DTNBP1: variants seen among roughly 807,000 people sequenced by gnomAD.
DTNBP1 encodes dysbindin.
DTNBP1 carries 35 observed loss-of-function variants against 42.8 expected under a neutral mutation model. That is an observed-to-expected ratio of 0.82 (90% CI 0.63 to 1.09). The LOEUF (loss-of-function observed/expected upper bound fraction) is 1.09. DTNBP1 is among the 50% of genes least tolerant of loss of function. DTNBP1 has a pLI of 0.00. For missense variants in DTNBP1, 457 were observed against 424.2 expected (o/e 1.08, Z -0.68); for synonymous variants, 171 against 162.2 (o/e 1.05, Z -0.41).
At chr6:15,657,521 C>A (rs1157214656) in intron 1 of DTNBP1, among the ~76,000 whole-genome samples, 1 of 152,184 alleles carries the variant, frequency 6.6e-6, no homozygotes, top group Non-Finnish European at 1.5e-5. Flanking sequence ...TCTCCCTCTA[C>A]CCCATCCCCT....
intron 7 of DTNBP1, among the ~76,000 whole-genome samples, chr6:15,581,473 C>A (rs891673790): frequency 7.4e-6 from 1 of 135,562 alleles, no homozygotes; most frequent in Non-Finnish European, 1.5e-5. Flanking sequence ...CCACCGCGCC[C>A]GACTGTTTTT....
intron 7 of DTNBP1, among the ~76,000 whole-genome samples, chr6:15,567,263 T>C (rs2113507340): frequency 6.6e-6 from 1 of 151,748 alleles, no homozygotes; most frequent in East Asian, 1.9e-4. Flanking sequence ...AAAACAAGCC[T>C]GGGCAACACA....
At chr6:15,594,141 A>C (rs956193946) in intron 6 of DTNBP1, among the ~76,000 whole-genome samples, 2 of 152,182 alleles carry the variant, frequency 1.3e-5, no homozygotes, top group African/African-American at 4.8e-5. Context: ...TTCATAAACT[A>C]TGCAAGAATT....
At chr6:15,535,175 C>G (rs936855081) in intron 7 of DTNBP1, among the ~76,000 whole-genome samples, 29 of 152,266 alleles carry the variant, frequency 1.9e-4, no homozygotes, top group African/African-American at 6.7e-4. Context: ...GTGTAAGTGT[C>G]TGACAGTTCC....
At chr6:15,633,016 G>A (rs940965518) in intron 4 of DTNBP1, among the ~76,000 whole-genome samples, 4 of 152,068 alleles carry the variant, frequency 2.6e-5, no homozygotes, top group Admixed American at 1.3e-4. Context: ...GTAGATTCTC[G>A]AATTGCATTT....
intron 6 of DTNBP1, among the ~76,000 whole-genome samples, chr6:15,603,848 G>A (rs1444367514): frequency 6.6e-6 from 1 of 152,162 alleles, no homozygotes; most frequent in East Asian, 1.9e-4. Context: ...TGAGTGCCAG[G>A]CACTGTTAGC....
Position 15,533,323 on chromosome 6 carries a change from C to G in DTNBP1, c.584G>C (p.Arg195Pro). The G allele has an allele frequency of 6.2e-7, 1 of 1,614,196 alleles. No homozygotes were observed. The highest frequency in any genetic ancestry group is 8.5e-7 in the Non-Finnish European group (1 of 1,180,046). The stretch of plus-strand genomic sequence containing the variant: ...GAAGGCTTCCTCAAAAAACTTCTGC[C>G]GCTCCTTCAGCTTCATTTGCTGGGT... ...EHTQQMKLKE[R>P]QKFFEEAFQQ... The change falls in exon 8 of 10, where the codon CGG becomes CCG. Residue 195 changes from arginine to proline, a missense_variant. Physicochemically the swap from Arg to Pro is moderately radical, Grantham distance 103. Transcript: ENST00000344537.
At chr6:15,585,790 AGCTCAGT>A in intron 7 of DTNBP1, 1 of 1,526,804 alleles carries the variant, frequency 6.5e-7, no homozygotes, top group South Asian at 1.2e-5. Flanking sequence ...AGTGAACAGA[AGCTCAGT>A]GCTGGTCAAG....
At chr6:15,556,545 T>G (rs115035362) in intron 7 of DTNBP1, among the ~76,000 whole-genome samples, 7 of 152,174 alleles carry the variant, frequency 4.6e-5, no homozygotes, top group Non-Finnish European at 8.8e-5. Context: ...GAATTGGGCA[T>G]GTACAGAAGC....
intron 6 of DTNBP1, among the ~76,000 whole-genome samples, chr6:15,611,249 A>G (rs1003125738): frequency 6.6e-6 from 1 of 152,212 alleles, no homozygotes; most frequent in African/African-American, 2.4e-5. Flanking sequence ...AAATGTAACA[A>G]CAAAGCCTGG....
intron 6 of DTNBP1, among the ~76,000 whole-genome samples, chr6:15,602,890 A>G (rs1561985284): frequency 6.6e-6 from 1 of 152,244 alleles, no homozygotes; most frequent in Non-Finnish European, 1.5e-5. Context: ...GAGATAACGA[A>G]AAGAATTTTG....
chr6:15,541,516 G>C (rs1200061259), intron 7 of DTNBP1, among the ~76,000 whole-genome samples: 1 of 152,028 alleles, frequency 6.6e-6, no homozygotes, highest in Non-Finnish European at 1.5e-5. Flanking sequence ...TCAACAAATG[G>C]ACTTCAGATT....
intron 7 of DTNBP1, among the ~76,000 whole-genome samples, chr6:15,541,699 C>A (rs149042970): frequency 6.6e-6 from 1 of 152,030 alleles, no homozygotes; most frequent in African/African-American, 2.4e-5. Flanking sequence ...ATTTCAAATG[C>A]TTACTTACTC....
intron 3 of DTNBP1, among the ~76,000 whole-genome samples, chr6:15,642,034 A>G (rs1399610827): frequency 6.6e-6 from 1 of 152,178 alleles, no homozygotes; most frequent in Admixed American, 6.5e-5. Flanking sequence ...ACTCGGACAC[A>G]CAGCGTATTT....
intron 3 of DTNBP1, among the ~76,000 whole-genome samples, chr6:15,640,950 G>C (rs1186628244): frequency 6.6e-6 from 1 of 152,120 alleles, no homozygotes; most frequent in Non-Finnish European, 1.5e-5. Flanking sequence ...AAGTCAAGGT[G>C]GGCCAATAAG....
intron 3 of DTNBP1, among the ~76,000 whole-genome samples, chr6:15,646,701 C>T (rs536390715): frequency 2.0e-5 from 3 of 151,952 alleles, no homozygotes; most frequent in East Asian, 3.9e-4. Context: ...ATAGAGAATC[C>T]AGAAATAAAG....
chr6:15,623,347 G>A (rs957235730), intron 5 of DTNBP1, among the ~76,000 whole-genome samples: 1 of 152,060 alleles, frequency 6.6e-6, no homozygotes, highest in African/African-American at 2.4e-5. Flanking sequence ...CTCAGTATAC[G>A]GCTGCTATTC....
intron 4 of DTNBP1, among the ~76,000 whole-genome samples, chr6:15,635,843 A>G (rs994144369): frequency 2.0e-5 from 3 of 152,192 alleles, no homozygotes; most frequent in Admixed American, 2.0e-4. Context: ...CAATGACTTT[A>G]AAATATTTGA....
At chr6:15,649,407 A>G (rs1173049671) in intron 3 of DTNBP1, among the ~76,000 whole-genome samples, 1 of 152,218 alleles carries the variant, frequency 6.6e-6, no homozygotes, top group Non-Finnish European at 1.5e-5. Flanking sequence ...CCGGTCACAC[A>G]CAAAAGTACT....
Sources: gnomAD v4.1 joint callset for allele counts (sites outside exome capture counted in the v4.1 genomes callset) on GRCh38, gnomAD v4.1.1 for gene constraint, MANE v1.5 for transcripts, NCBI Gene and HGNC (gene_info 2026-07-23, HGNC 2026-07-21) for gene names.